PDE1C: variants seen among roughly 807,000 people sequenced by gnomAD.
PDE1C encodes dual specificity calcium/calmodulin-dependent 3',5'-cyclic nucleotide phosphodiesterase 1C.
PDE1C carries 62 observed loss-of-function variants against 93.1 expected under a neutral mutation model. That is an observed-to-expected ratio of 0.67 (90% CI 0.54 to 0.82). The LOEUF (loss-of-function observed/expected upper bound fraction) is 0.82. Among genes scored for constraint, PDE1C ranks in the 40% least tolerant of loss-of-function variants. The pLI, the probability that PDE1C is intolerant of heterozygous loss-of-function variation, is 0.00. For synonymous variants in PDE1C, 325 were observed against 310.1 expected, an observed-to-expected ratio of 1.05 and a Z score of -0.50; for missense variants, 742 against 884.6, an observed-to-expected ratio of 0.84 and a Z score of 2.04.
chr7:32,341,931 A>C (rs1240863030), intron 1 of PDE1C, among the ~76,000 whole-genome samples: 2 of 152,184 alleles, frequency 1.3e-5, no homozygotes, highest in Non-Finnish European at 2.9e-5. Flanking sequence ...GTAAAATGGT[A>C]AATAATAATA....
the PDE1C span, among the ~76,000 whole-genome samples, chr7:31,683,741 T>C: frequency 4.9e-4 from 75 of 152,332 alleles, no homozygotes; most frequent in African/African-American, 1.1e-3. Context: ...TACCCCTAGA[T>C]TGGCTATGAA....
At chr7:31,726,403 T>C in the PDE1C span, among the ~76,000 whole-genome samples, 1 of 152,170 alleles carries the variant, frequency 6.6e-6, no homozygotes, top group Non-Finnish European at 1.5e-5. Flanking sequence ...AATTTTGTAT[T>C]ATGGCTTTTA....
At chr7:32,179,184 A>G (rs986851909) in intron 2 of PDE1C, among the ~76,000 whole-genome samples, 2 of 86,420 alleles carry the variant, frequency 2.3e-5, no homozygotes, top group Non-Finnish European at 5.0e-5. Context: ...AACATCCTGC[A>G]TTTCTGAATA....
chr7:31,809,124 A>G lies in PDE1C; in HGVS notation c.1814-16T>C. The stretch of plus-strand genomic sequence containing the variant: ...TTGAAGTCACCTGAAAGTAATAAAC[A>G]TGACAAACAGTATATGTATGCAGCT... On this transcript the variant is annotated splice_polypyrimidine_tract_variant and intron_variant, in intron 15 of 17. Coordinates refer to ENST00000396191, the MANE Select transcript of PDE1C (RefSeq NM_001191057.4). 7.0e-7 allele frequency: 1 copy of G among 1,432,054 alleles called. No homozygotes were observed. Among genetic ancestry groups the G allele is most frequent in the South Asian group, 1.1e-5 (1 of 87,016 alleles). 88.7% of individuals were successfully genotyped at this position (1,432,054 alleles called of 1,614,324 possible).
intron 3 of PDE1C, among the ~76,000 whole-genome samples, chr7:32,150,367 G>A (rs1177965106): frequency 6.6e-6 from 1 of 152,184 alleles, no homozygotes; most frequent in Non-Finnish European, 1.5e-5. Flanking sequence ...CCCAAAGGCT[G>A]GCAGAATTTC....
At chr7:32,256,433 A>G (rs1809798246) in intron 1 of PDE1C, among the ~76,000 whole-genome samples, 1 of 152,166 alleles carries the variant, frequency 6.6e-6, no homozygotes, top group Non-Finnish European at 1.5e-5. Context: ...ATGGTGGCAA[A>G]GCCCTGGAAT....
At chr7:32,034,346 A>G (rs1790754360) in intron 2 of PDE1C, among the ~76,000 whole-genome samples, 1 of 152,074 alleles carries the variant, frequency 6.6e-6, no homozygotes, top group African/African-American at 2.4e-5. Flanking sequence ...TTATGGCTCA[A>G]TCAGAAGCCA....
chr7:31,976,290 A>G (rs555159439), intron 2 of PDE1C, among the ~76,000 whole-genome samples: 2 of 152,368 alleles, frequency 1.3e-5, no homozygotes, highest in East Asian at 1.9e-4. Flanking sequence ...TTTGTTGAAC[A>G]AATGATATAT....
At chr7:31,732,475 A>G in the PDE1C span, among the ~76,000 whole-genome samples, 1 of 152,156 alleles carries the variant, frequency 6.6e-6, no homozygotes, top group African/African-American at 2.4e-5. Context: ...GCGAAGACTG[A>G]GGTTTCCTGA....
chr7:32,281,402 G>A (rs1252315150), intron 1 of PDE1C, among the ~76,000 whole-genome samples: 1 of 151,966 alleles, frequency 6.6e-6, no homozygotes, highest in Admixed American at 6.6e-5. Context: ...TTTTAATTTT[G>A]ATATATAAAA....
At chr7:32,118,415 CT>C (rs1799107809) in intron 3 of PDE1C, among the ~76,000 whole-genome samples, 1 of 152,180 alleles carries the variant, frequency 6.6e-6, no homozygotes, top group South Asian at 2.1e-4. Flanking sequence ...AATTCTTCCC[CT>C]AACCGTAGCT....
chr7:32,323,556 G>T (rs1291277500), intron 1 of PDE1C, among the ~76,000 whole-genome samples: 1 of 152,176 alleles, frequency 6.6e-6, no homozygotes, highest in Non-Finnish European at 1.5e-5. Context: ...TCTCCAGAAG[G>T]CTGCAGCAGT....
At chr7:32,275,151 G>C (rs371112842) in intron 1 of PDE1C, among the ~76,000 whole-genome samples, 9 of 152,236 alleles carry the variant, frequency 5.9e-5, no homozygotes, top group Admixed American at 3.3e-4. Context: ...AAAATCTACA[G>C]GGGCTTCCCC....
chr7:32,297,744 G>C (rs1038226428), intron 1 of PDE1C, among the ~76,000 whole-genome samples: 1 of 152,134 alleles, frequency 6.6e-6, no homozygotes, highest in Non-Finnish European at 1.5e-5. Context: ...CCAAGGGCAG[G>C]AGAGGGAAAC....
the PDE1C span, among the ~76,000 whole-genome samples, chr7:31,661,728 A>T: frequency 6.6e-6 from 1 of 152,110 alleles, no homozygotes; most frequent in African/African-American, 2.4e-5. Flanking sequence ...AAATAAATAT[A>T]ATAATATTGG....
At chr7:32,165,830 G>A (rs1453707940) in intron 3 of PDE1C, among the ~76,000 whole-genome samples, 1 of 152,136 alleles carries the variant, frequency 6.6e-6, no homozygotes, top group Non-Finnish European at 1.5e-5. Flanking sequence ...CTCATCTAGT[G>A]CAGTGGTTCT....
At chr7:32,063,855 A>C (rs1218918030) in intron 1 of PDE1C, among the ~76,000 whole-genome samples, 1 of 152,194 alleles carries the variant, frequency 6.6e-6, no homozygotes, top group Non-Finnish European at 1.5e-5. Context: ...GTTGATTTTT[A>C]ACCTTTTCAC....
At chr7:31,911,200 T>C (rs900915039) in intron 2 of PDE1C, among the ~76,000 whole-genome samples, 1 of 152,192 alleles carries the variant, frequency 6.6e-6, no homozygotes, top group South Asian at 2.1e-4. Context: ...CATATAGCTA[T>C]AGATATAAAA....
intron 1 of PDE1C, among the ~76,000 whole-genome samples, chr7:32,402,269 G>A (rs1473465915): frequency 6.6e-6 from 1 of 152,020 alleles, no homozygotes; most frequent in Non-Finnish European, 1.5e-5. Context: ...GATTTATTAT[G>A]AGGCACTAGC....
Sources: gnomAD v4.1 joint callset for allele counts (sites outside exome capture counted in the v4.1 genomes callset) on GRCh38, gnomAD v4.1.1 for gene constraint, MANE v1.5 for transcripts, NCBI Gene and HGNC (gene_info 2026-07-23, HGNC 2026-07-21) for gene names.